The following ZNF536 variants were observed in gnomAD, a reference collection of about 807,000 sequenced individuals.
ZNF536 encodes zinc finger protein 536.
A neutral mutation model predicts 84.5 loss-of-function variants in ZNF536; 13 were observed. That is an observed-to-expected ratio of 0.15 (90% CI 0.10 to 0.24). The LOEUF (loss-of-function observed/expected upper bound fraction) is 0.24. Ranked by LOEUF, ZNF536 falls within the 10% of genes least tolerant of loss-of-function variation. The pLI is 1.00. For synonymous variants in ZNF536, 811 were observed against 742.5 expected (o/e 1.09, Z -1.50); for missense variants, 1,536 against 1,747.5 (o/e 0.88, Z 2.16).
intron 3 of ZNF536, among the ~76,000 whole-genome samples, chr19:30,362,139 A>C (rs1402015858): frequency 6.6e-6 from 1 of 152,104 alleles, no homozygotes; most frequent in Admixed American, 6.6e-5. Context: ...TTTCAACTTC[A>C]CCATCGTCCA....
intron 1 of ZNF536, among the ~76,000 whole-genome samples, chr19:30,659,687 C>T (rs1164187577): frequency 1.3e-5 from 2 of 152,176 alleles, no homozygotes; most frequent in Non-Finnish European, 2.9e-5. Flanking sequence ...TGAGAACTCA[C>T]TCACTATAAA....
intron 1 of ZNF536, among the ~76,000 whole-genome samples, chr19:30,597,235 G>C (rs1172024875): frequency 6.6e-6 from 1 of 152,138 alleles, no homozygotes; most frequent in East Asian, 1.9e-4. Context: ...CTGCTATTTA[G>C]GTCTAGTCTA....
At chr19:30,227,697 G>A (rs1463549288), upstream of ZNF536, among the ~76,000 whole-genome samples, 2 of 151,726 alleles carry the variant, frequency 1.3e-5, no homozygotes, top group South Asian at 2.1e-4. Context: ...GTGAGCGAGC[G>A]CGCGGTACGG....
At chr19:30,227,627 T>G (rs1378458590), upstream of ZNF536, among the ~76,000 whole-genome samples, 1 of 149,724 alleles carries the variant, frequency 6.7e-6, no homozygotes. Flanking sequence ...CTGGGTCGTG[T>G]GCGCGGGTGG....
At chr19:30,395,044 G>T (rs2147394743) in intron 1 of ZNF536, among the ~76,000 whole-genome samples, 1 of 152,270 alleles carries the variant, frequency 6.6e-6, no homozygotes, top group Admixed American at 6.5e-5. Context: ...ATCCTTATTT[G>T]CATTAATGCA....
chr19:30,654,911 C>A (rs1356310160), intron 1 of ZNF536, among the ~76,000 whole-genome samples: 1 of 151,908 alleles, frequency 6.6e-6, no homozygotes, highest in East Asian at 1.9e-4. Context: ...GCATTCAGGG[C>A]TAACTTTTCA....
intron 3 of ZNF536, among the ~76,000 whole-genome samples, chr19:30,537,233 G>A (rs1298311871): frequency 6.6e-6 from 1 of 152,182 alleles, no homozygotes; most frequent in African/African-American, 2.4e-5. Context: ...AAGGCAGTCA[G>A]CCCAGACATC....
chr19:30,315,154 T>C (rs1298375761), intron 2 of ZNF536, among the ~76,000 whole-genome samples: 1 of 152,236 alleles, frequency 6.6e-6, no homozygotes, highest in Admixed American at 6.5e-5. Context: ...TTTCAGCACC[T>C]AGAAGCTTGC....
chr19:30,630,302 G>A (rs533708106), intron 1 of ZNF536, among the ~76,000 whole-genome samples: 3 of 152,288 alleles, frequency 2.0e-5, no homozygotes, highest in East Asian at 1.9e-4. Context: ...AAGTAATTGC[G>A]GGTGATTGCA....
At position 30,566,824 on chromosome 19, in the gene ZNF536, T is replaced by C. The variant is rs187447856; in HGVS notation, c.169+17310T>C. Among the ~76,000 whole-genome samples, 596 of 151,728 alleles carry C rather than the reference T, an allele frequency of 3.9e-3. 1 individual carries two copies. The highest frequency in any genetic ancestry group is 6.8e-3 in the Non-Finnish European group (462 of 67,878). On this transcript the variant is annotated intron_variant, in intron 1 of 1. Coordinates refer to the ZNF536 transcript ENST00000592773. ...ACAGTGGAGGTCCCCACATGTGGCC[T>C]CTCCGGGTAGTGGGGGTCCCTGCAT... is the stretch of plus-strand genomic sequence containing the variant.
At chr19:30,421,918 C>A (rs1309094835) in intron 1 of ZNF536, among the ~76,000 whole-genome samples, 1 of 152,088 alleles carries the variant, frequency 6.6e-6, no homozygotes, top group African/African-American at 2.4e-5. Context: ...TTTATAATTA[C>A]CTTTAATTTA....
intron 2 of ZNF536, among the ~76,000 whole-genome samples, chr19:30,465,844 A>G (rs10420049): frequency 6.6e-6 from 1 of 151,932 alleles, no homozygotes; most frequent in African/African-American, 2.4e-5. Flanking sequence ...TCCACCTCCC[A>G]GGTTCATGCC....
chr19:30,562,179 G>T (rs1331431297), downstream of ZNF536, among the ~76,000 whole-genome samples: 1 of 152,062 alleles, frequency 6.6e-6, no homozygotes, highest in East Asian at 1.9e-4. Context: ...GACCCTCTTA[G>T]GTCTTAAACT....
chr19:30,260,085 G>A (rs1271690264), intron 1 of ZNF536, among the ~76,000 whole-genome samples: 1 of 152,096 alleles, frequency 6.6e-6, no homozygotes, highest in African/African-American at 2.4e-5. Flanking sequence ...TCTTTCTTCT[G>A]CCTTTCTAAG....
chr19:30,627,011 G>A (rs954141668), intron 1 of ZNF536, among the ~76,000 whole-genome samples: 3 of 152,174 alleles, frequency 2.0e-5, no homozygotes, highest in Admixed American at 6.5e-5. Flanking sequence ...AGTAAGGTGG[G>A]GAGTACTGGG....
intron 1 of ZNF536, among the ~76,000 whole-genome samples, chr19:30,375,315 G>A (rs2048771765): frequency 6.6e-6 from 1 of 151,534 alleles, no homozygotes; most frequent in Admixed American, 6.6e-5. Flanking sequence ...CTTACGGAGG[G>A]GAGATAATGA....
chr19:30,292,198 G>T (rs910702486), intron 2 of ZNF536, among the ~76,000 whole-genome samples: 1 of 152,102 alleles, frequency 6.6e-6, no homozygotes, highest in Admixed American at 6.5e-5. Flanking sequence ...TAAGTAACTT[G>T]TACAAGTCAC....
At chr19:30,690,583 G>A (rs2051368287) in intron 1 of ZNF536, among the ~76,000 whole-genome samples, 1 of 152,138 alleles carries the variant, frequency 6.6e-6, no homozygotes, top group African/African-American at 2.4e-5. Flanking sequence ...GGCACTAAAT[G>A]GCTGCCCTTC....
At chr19:30,659,416 G>A (rs770882897) in intron 1 of ZNF536, among the ~76,000 whole-genome samples, 29 of 152,164 alleles carry the variant, frequency 1.9e-4, no homozygotes, top group South Asian at 4.1e-4. Flanking sequence ...CCACCCCCAT[G>A]ATCCAATCAC....
Sources: gnomAD v4.1 joint callset for allele counts (sites outside exome capture counted in the v4.1 genomes callset) on GRCh38, gnomAD v4.1.1 for gene constraint, MANE v1.5 for transcripts, NCBI Gene and HGNC (gene_info 2026-07-23, HGNC 2026-07-21) for gene names.